Variants in KMT2C observed in about 807,000 individuals in gnomAD.
KMT2C encodes lysine methyltransferase 2C, also known as histone-lysine N-methyltransferase 2C.
In KMT2C, 88 loss-of-function variants were observed where a neutral mutation model predicts 507.9. The ratio of observed to expected loss-of-function variants is 0.17; its 90% confidence interval spans 0.15 to 0.21. The LOEUF is 0.21. Ranked by LOEUF, KMT2C falls within the 10% of genes least tolerant of loss-of-function variation. The pLI, the probability that KMT2C is intolerant of heterozygous loss-of-function variation, is 1.00. For missense variants in KMT2C, 4,954 were observed against 5,957.8 expected (o/e 0.83, Z 5.55); for synonymous variants, 2,049 against 2,080.8 (o/e 0.98, Z 0.42).
At chr7:152,185,972 C>T (rs940983257) in intron 33 of KMT2C, among the ~76,000 whole-genome samples, 3 of 152,174 alleles carry the variant, frequency 2.0e-5, no homozygotes, top group Non-Finnish European at 4.4e-5. Context: ...TGTAAAACAT[C>T]TGTGCTAAAC....
At chr7:152,189,549 T>C (rs988060846) in intron 31 of KMT2C, among the ~76,000 whole-genome samples, 1 of 152,220 alleles carries the variant, frequency 6.6e-6, no homozygotes, top group Non-Finnish European at 1.5e-5. Flanking sequence ...TTTTACAATG[T>C]ATAATGATCT....
rs751800023 is a variant in KMT2C, at chr7:152,138,938, A to G, written c.14535-34T>C. 14 of 1,498,034 alleles carry G rather than the reference A, an allele frequency of 9.3e-6. No homozygotes were observed. Among genetic ancestry groups the G allele is most frequent in the Admixed American group, 6.7e-5 (4 of 59,836 alleles). The allele number at this position is 1,498,034 out of a possible 1,614,324, so 92.8% of individuals were successfully genotyped here. On this transcript the variant is annotated intron_variant, in intron 57 of 58. Transcript: ENST00000262189. This position sits in a 1 kb window ranked among gnomAD's most constrained non-coding sequence, Gnocchi z 4.2. ...CACCATGTCAGAAAACTGTATTGTA[A>G]AACAGCTAGAAGCAGCTTTAAAAAC...
At position 152,278,347 on chromosome 7, in the gene KMT2C, C is replaced by T. The variant is rs188451583; in HGVS notation, c.850-4480G>A. The stretch of plus-strand genomic sequence containing the variant: ...CCAGGCTGGAGTGCAGTGGCCTGAT[C>T]TCGGCTCACTGCAACCTCTGCCCCG... On this transcript the variant is annotated intron_variant, in intron 6 of 58. Transcript: ENST00000262189. Among the ~76,000 whole-genome samples, 1,345 of 151,982 alleles carry T rather than the reference C, an allele frequency of 8.8e-3. 12 individuals are homozygous for T. Among genetic ancestry groups the T allele is most frequent in the Non-Finnish European group, 0.015 (997 of 67,974 alleles).
At chr7:152,310,958 T>A (rs2096666437) in intron 5 of KMT2C, among the ~76,000 whole-genome samples, 1 of 152,118 alleles carries the variant, frequency 6.6e-6, no homozygotes, top group South Asian at 2.1e-4. Flanking sequence ...AGTGCTGGGA[T>A]TACGGGCTGT....
intron 27 of KMT2C, among the ~76,000 whole-genome samples, chr7:152,197,167 C>T (rs566718324): frequency 1.3e-5 from 2 of 152,170 alleles, no homozygotes; most frequent in African/African-American, 4.8e-5. Flanking sequence ...CACCAGGGTT[C>T]TAAGGAAAGC....
intron 52 of KMT2C, 46 bp downstream of exon 52, chr7:152,147,987 C>T (rs757401322): frequency 1.3e-6 from 2 of 1,494,944 alleles, no homozygotes; most frequent in East Asian, 2.3e-5. Context: ...ATTAGCCTGA[C>T]ATCAGAGTAA....
At chr7:152,193,043 C>A (rs2093851188) in intron 31 of KMT2C, among the ~76,000 whole-genome samples, 1 of 152,060 alleles carries the variant, frequency 6.6e-6, no homozygotes, top group South Asian at 2.1e-4. Flanking sequence ...GGCATGATGG[C>A]GTGTGCCTGT....
At chr7:152,343,259 T>C (rs1205370494) in intron 2 of KMT2C, among the ~76,000 whole-genome samples, 8 of 151,994 alleles carry the variant, frequency 5.3e-5, no homozygotes, top group Admixed American at 5.2e-4. Context: ...CAAGAAGACG[T>C]GGGCAATGTA....
chr7:152,315,462 T>C (rs995865574), intron 3 of KMT2C, 124 bp from the exon 4 acceptor site: 1 of 657,698 alleles, frequency 1.5e-6, no homozygotes, highest in Admixed American at 2.9e-5. Context: ...CTTTTCAATC[T>C]ATTTTCTACA....
At chr7:152,269,378 C>T (rs2095915883) in intron 7 of KMT2C, among the ~76,000 whole-genome samples, 1 of 152,170 alleles carries the variant, frequency 6.6e-6, no homozygotes, top group South Asian at 2.1e-4. Context: ...GGTTCCAACC[C>T]TCCCAGTCAG....
intron 6 of KMT2C, among the ~76,000 whole-genome samples, chr7:152,275,449 C>A (rs1435722505): frequency 1.3e-5 from 2 of 152,160 alleles, no homozygotes; most frequent in East Asian, 3.9e-4. Flanking sequence ...GAGGCTGAAG[C>A]AGGAGAAGCT....
At chr7:152,155,576 C>T (rs1167934096) in intron 46 of KMT2C, among the ~76,000 whole-genome samples, 1 of 152,162 alleles carries the variant, frequency 6.6e-6, no homozygotes, top group Admixed American at 6.5e-5. Flanking sequence ...CATTAATACC[C>T]TTTAAAGGAC....
At position 152,181,850 on chromosome 7, in the gene KMT2C, T is replaced by C. The variant is rs1302583209; in HGVS notation, c.6010A>G (p.Ser2004Gly). 6.2e-7 allele frequency: 1 copy of C among 1,614,190 alleles called. No individual in the cohort carries two copies. Residue 2004 changes from serine to glycine, a missense_variant, in exon 36 of 59, where the codon AGT (serine) becomes GGT (glycine). By Grantham distance (56) the Ser-to-Gly change is moderately conservative. Coordinates refer to ENST00000262189, the MANE Select transcript of KMT2C (RefSeq NM_170606.3). ...GGAGATGGTTTAGTAAAGTGATCACTGGTTCCAGCTGCTATAGGGCCTTTT... is the reference window on the plus strand; with the variant it reads ...GGAGATGGTTTAGTAAAGTGATCACCGGTTCCAGCTGCTATAGGGCCTTTT... ...TAKGPIAAGT[S>G]DHFTKPSPRA...
intron 39 of KMT2C, 53 bp from the exon 40 acceptor site, chr7:152,171,395 A>G (rs1405693391): frequency 3.4e-6 from 4 of 1,176,248 alleles, no homozygotes; most frequent in Non-Finnish European, 4.8e-6. Context: ...GAAATTATTA[A>G]TATTAATTAA....
intron 1 of KMT2C, among the ~76,000 whole-genome samples, chr7:152,434,437 T>C (rs1333764384): frequency 6.6e-6 from 1 of 152,136 alleles, no homozygotes; most frequent in Non-Finnish European, 1.5e-5. Context: ...TATGCCTCAG[T>C]TCACGCTACT....
intron 31 of KMT2C, among the ~76,000 whole-genome samples, chr7:152,190,804 T>C (rs936775939): frequency 1.3e-5 from 2 of 152,194 alleles, no homozygotes; most frequent in Admixed American, 1.3e-4. Context: ...GCCTCCCCTT[T>C]CTCATCAATT....
In KMT2C at chr7:152,358,604, T is replaced by G; in HGVS notation, c.233A>C (p.Glu78Ala). 1 of 1,609,812 alleles carries G rather than the reference T, an allele frequency of 6.2e-7. No homozygotes were observed. The highest frequency in any genetic ancestry group is 8.5e-7 in the Non-Finnish European group (1 of 1,176,720). ...SMDGLETTET[E>A]TIVETEIKEQ... ...TCTGATACCTGTTTCCACAATCGTT[T>G]CTGTTTCTGTTGTCTCCAGCCCATC... The change falls in exon 2 of 59, where the codon GAA becomes GCA. Residue 78 changes from glutamate to alanine, a missense_variant. This residue lies in a region of KMT2C where 233 missense variants were observed against 263.6 expected (regional missense o/e 0.88). Transcript: ENST00000262189.
At chr7:152,170,076 T>C (rs2092896115) in intron 40 of KMT2C, among the ~76,000 whole-genome samples, 1 of 152,230 alleles carries the variant, frequency 6.6e-6, no homozygotes, top group South Asian at 2.1e-4. Context: ...ATGTATTATG[T>C]GCAATCTTCA....
In KMT2C at chr7:152,205,238, G is replaced by C. The variant is rs2129137360; in HGVS notation, c.3842-13C>G. 1 of 1,609,416 alleles carries C rather than the reference G, an allele frequency of 6.2e-7. No individual in the cohort carries two copies. Among genetic ancestry groups the C allele is most frequent in the Non-Finnish European group, 8.5e-7 (1 of 1,177,940 alleles). On this transcript the variant is annotated splice_polypyrimidine_tract_variant and intron_variant, in intron 24 of 58. Coordinates refer to ENST00000262189, the MANE Select transcript of KMT2C (RefSeq NM_170606.3). ...AATCCACCAATACCTATCCAAAAAA[G>C]AAATTAGGTAAACTGATAAGTAATT...
Sources: gnomAD v4.1 joint callset for allele counts (sites outside exome capture counted in the v4.1 genomes callset) on GRCh38, gnomAD v4.1.1 for gene constraint, gnomAD v4.1.1 regional missense constraint, Gnocchi (gnomAD v3.1) non-coding constraint, MANE v1.5 for transcripts, NCBI Gene and HGNC (gene_info 2026-07-23, HGNC 2026-07-21) for gene names.